RGS5: variants seen among roughly 807,000 people sequenced by gnomAD.
The protein encoded by RGS5 is regulator of G protein signaling 5.
RGS5 carries 20 observed loss-of-function variants against 18.9 expected under a neutral mutation model. The observed-to-expected ratio is 1.06, with a 90% CI of 0.74 to 1.54. The LOEUF (loss-of-function observed/expected upper bound fraction) is 1.54. Ranked by LOEUF, RGS5 falls within the 40% of genes most tolerant of loss-of-function variation. RGS5 has a pLI of 0.00. For missense variants in RGS5, 201 were observed against 211.8 expected, an observed-to-expected ratio of 0.95 and a Z score of 0.32; for synonymous variants, 57 against 76.2, an observed-to-expected ratio of 0.75 and a Z score of 1.31.
At chr1:163,271,618 G>A (rs561077560) in intron 2 of RGS5, among the ~76,000 whole-genome samples, 78 of 152,256 alleles carry the variant, frequency 5.1e-4, no homozygotes, top group African/African-American at 1.7e-3. Context: ...GTTGTAGCAT[G>A]TGTCACTCTT....
chr1:163,202,891 A>G lies in RGS5; in HGVS notation c.-56T>C. On this transcript the variant is annotated 5_prime_UTR_variant, in exon 1 of 5. Coordinates refer to ENST00000313961, the MANE Select transcript of RGS5 (RefSeq NM_003617.4). ...AGTACAACTTCTTAACAGCAGAGCCAGTCTTTGAAAACTTCAAAACTGTCT... is the reference window on the plus strand; with the variant it reads ...AGTACAACTTCTTAACAGCAGAGCCGGTCTTTGAAAACTTCAAAACTGTCT... 1 of 1,565,390 alleles carries G rather than the reference A, an allele frequency of 6.4e-7. No homozygotes were observed. Among genetic ancestry groups the G allele is most frequent in the South Asian group, 1.1e-5 (1 of 89,148 alleles).
chr1:163,275,528 C>T (rs145493640), intron 2 of RGS5, among the ~76,000 whole-genome samples: 3 of 152,316 alleles, frequency 2.0e-5, no homozygotes, highest in East Asian at 1.9e-4. Context: ...TTGATTTTCA[C>T]AGCCTGTCCT....
chr1:163,248,112 A>T (rs1172263252), intron 2 of RGS5, among the ~76,000 whole-genome samples: 6 of 152,182 alleles, frequency 3.9e-5, no homozygotes, highest in African/African-American at 1.4e-4. Flanking sequence ...TAGTACAGAG[A>T]GTGACAGTGT....
intron 1 of RGS5, chr1:163,172,618 T>C: frequency 2.6e-6 from 4 of 1,549,352 alleles, no homozygotes; most frequent in East Asian, 4.9e-5. Flanking sequence ...AGAAAAGATA[T>C]TCAGTGCTTT....
intron 3 of RGS5, among the ~76,000 whole-genome samples, chr1:163,153,229 C>T (rs998207827): frequency 5.9e-5 from 9 of 152,250 alleles, no homozygotes; most frequent in African/African-American, 2.2e-4. Flanking sequence ...GTCCCAAGCA[C>T]TATGATTTAA....
chr1:163,316,018 T>C (rs1024896106), intron 1 of RGS5, among the ~76,000 whole-genome samples: 2 of 152,186 alleles, frequency 1.3e-5, no homozygotes, highest in Admixed American at 6.6e-5. Flanking sequence ...GTTACTAGAA[T>C]TTACCATTTT....
chr1:163,262,519 G>A (rs1253629999), intron 2 of RGS5, among the ~76,000 whole-genome samples: 1 of 71,608 alleles, frequency 1.4e-5, no homozygotes, highest in Non-Finnish European at 2.7e-5. Flanking sequence ...AGTATTCCAT[G>A]GTGTATATGT....
intron 1 of RGS5, among the ~76,000 whole-genome samples, chr1:163,201,881 A>C (rs1401277552): frequency 6.6e-6 from 1 of 152,196 alleles, no homozygotes; most frequent in Non-Finnish European, 1.5e-5. Context: ...CGAGGGATCA[A>C]ACCCAATTTA....
chr1:163,320,649 ACT>A (rs1188887896), intron 1 of RGS5, among the ~76,000 whole-genome samples: 7 of 151,946 alleles, frequency 4.6e-5, no homozygotes, highest in African/African-American at 1.7e-4. Context: ...TTCCTCACTG[ACT>A]CTAATATTTT....
intron 2 of RGS5, among the ~76,000 whole-genome samples, chr1:163,263,795 T>A (rs1157081861): frequency 6.6e-6 from 1 of 151,772 alleles, no homozygotes; most frequent in Non-Finnish European, 1.5e-5. Context: ...ATGAGAATCA[T>A]GAAAGAGATA....
At chr1:163,221,524 A>G (rs10917701), upstream of RGS5, among the ~76,000 whole-genome samples, 1 of 96,038 alleles carries the variant, frequency 1.0e-5, no homozygotes, top group Admixed American at 9.9e-5. Context: ...ATCAATCAAT[A>G]AAATCTCCAT....
chr1:163,179,639 C>A (rs1433797215), intron 1 of RGS5, among the ~76,000 whole-genome samples: 3 of 152,110 alleles, frequency 2.0e-5, no homozygotes, highest in Non-Finnish European at 4.4e-5. Flanking sequence ...TATGGGTGAT[C>A]TTGAATATGT....
At chr1:163,254,331 A>T (rs1455415511) in intron 2 of RGS5, among the ~76,000 whole-genome samples, 1 of 151,838 alleles carries the variant, frequency 6.6e-6, no homozygotes, top group Non-Finnish European at 1.5e-5. Flanking sequence ...TGACTTTTTA[A>T]TGATTGCCAT....
At chr1:163,265,015 T>C (rs966286854) in intron 2 of RGS5, among the ~76,000 whole-genome samples, 5 of 152,128 alleles carry the variant, frequency 3.3e-5, no homozygotes, top group African/African-American at 1.2e-4. Flanking sequence ...CAAAAGCATA[T>C]TACATACTTG....
intron 1 of RGS5, among the ~76,000 whole-genome samples, chr1:163,310,837 G>A (rs1649836929): frequency 6.6e-6 from 1 of 152,170 alleles, no homozygotes; most frequent in African/African-American, 2.4e-5. Context: ...GTTCAGCTTG[G>A]CTGAGGAGGC....
chr1:163,260,071 C>A (rs918832785), intron 2 of RGS5: 1 of 152,190 alleles, frequency 6.6e-6, no homozygotes, highest in Non-Finnish European at 1.5e-5. Context: ...TAAATCATTT[C>A]CATTTCCAGT....
chr1:163,293,853 G>A (rs147300020), intron 2 of RGS5, among the ~76,000 whole-genome samples: 1 of 152,304 alleles, frequency 6.6e-6, no homozygotes, highest in African/African-American at 2.4e-5. Context: ...GGGGCCACAG[G>A]CACTTTGTTT....
chr1:163,195,742 C>A (rs1190750900), intron 1 of RGS5, among the ~76,000 whole-genome samples: 1 of 151,592 alleles, frequency 6.6e-6, no homozygotes, highest in African/African-American at 2.4e-5. Context: ...GGCCTTAGCA[C>A]ATAATTGACT....
chr1:163,272,043 T>A (rs554715717), intron 2 of RGS5, among the ~76,000 whole-genome samples: 150 of 152,046 alleles, frequency 9.9e-4, no homozygotes, highest in Non-Finnish European at 1.8e-3. Flanking sequence ...TCTCCCTCTC[T>A]CTCTCTTTTT....
Sources: allele counts gnomAD v4.1 joint callset (sites outside exome capture counted in the v4.1 genomes callset), GRCh38; gene constraint gnomAD v4.1.1; transcripts MANE v1.5; gene names NCBI Gene and HGNC (gene_info 2026-07-23, HGNC 2026-07-21).